CABIN1: variants seen among roughly 807,000 people sequenced by gnomAD.
The protein encoded by CABIN1 is calcineurin binding protein 1.
CABIN1 carries 133 observed loss-of-function variants against 227.7 expected under a neutral mutation model. The ratio of observed to expected loss-of-function variants is 0.58; its 90% CI spans 0.51 to 0.67. The LOEUF (loss-of-function observed/expected upper bound fraction) is 0.67, where lower values mean the gene tolerates loss of function less well. Among genes scored for constraint, CABIN1 ranks in the 30% least tolerant of loss-of-function variants. The pLI, the probability that CABIN1 is intolerant of heterozygous loss-of-function variation, is 0.00. For missense variants in CABIN1, 2,408 were observed against 2,852.5 expected (o/e 0.84, Z 3.55); for synonymous variants, 1,086 against 1,155.1 (o/e 0.94, Z 1.21).
chr22:24,051,905 A>G (rs2038366683), intron 8 of CABIN1, among the ~76,000 whole-genome samples: 1 of 152,116 alleles, frequency 6.6e-6, no homozygotes, highest in Non-Finnish European at 1.5e-5. Flanking sequence ...GAGTTTCAGC[A>G]TGTAGAATTT....
intron 26 of CABIN1, among the ~76,000 whole-genome samples, chr22:24,112,961 G>A (rs764174755): frequency 1.6e-4 from 25 of 152,032 alleles, no homozygotes; most frequent in African/African-American, 4.3e-4. Context: ...TCTTTGCCCC[G>A]CCCCTTTTCT....
At chr22:24,110,768 C>T (rs1266196273) in intron 26 of CABIN1, among the ~76,000 whole-genome samples, 1 of 151,738 alleles carries the variant, frequency 6.6e-6, no homozygotes, top group Non-Finnish European at 1.5e-5. Context: ...TGCTGTAATT[C>T]TTAACTTTGT....
intron 35 of CABIN1, among the ~76,000 whole-genome samples, chr22:24,176,731 C>T (rs2047134367): frequency 6.6e-6 from 1 of 152,192 alleles, no homozygotes; most frequent in Non-Finnish European, 1.5e-5. Flanking sequence ...CGTCGACAGC[C>T]ACGTCAGATT....
intron 31 of CABIN1, 55 bp downstream of exon 31, chr22:24,165,681 C>T: frequency 6.8e-7 from 1 of 1,467,004 alleles, no homozygotes; most frequent in Non-Finnish European, 9.4e-7. Context: ...CTTCCAAGCC[C>T]TTCCCAGGTG....
At chr22:24,046,782 T>A (rs1029800848) in intron 6 of CABIN1, among the ~76,000 whole-genome samples, 12 of 152,150 alleles carry the variant, frequency 7.9e-5, no homozygotes, top group African/African-American at 2.9e-4. Context: ...TGGTGTATAG[T>A]TCTAGTCCAA....
At chr22:24,092,568 T>G (rs1471610145) in intron 24 of CABIN1, among the ~76,000 whole-genome samples, 1 of 152,166 alleles carries the variant, frequency 6.6e-6, no homozygotes, top group Non-Finnish European at 1.5e-5. Flanking sequence ...GCTTTGCCCT[T>G]TCTGAGGCTA....
intron 29 of CABIN1, among the ~76,000 whole-genome samples, chr22:24,136,739 G>GCGCA (rs1555977754): frequency 0.01 from 1,444 of 139,716 alleles, 30 homozygotes; most frequent in African/African-American, 0.035. Flanking sequence ...ACACACACAC[G>GCGCA]CACACACACA....
chr22:24,078,996 A>G (rs1216540495), intron 19 of CABIN1, among the ~76,000 whole-genome samples: 1 of 152,202 alleles, frequency 6.6e-6, no homozygotes, highest in African/African-American at 2.4e-5. Context: ...TTATTTTAGT[A>G]TACTGAGATA....
At chr22:24,163,863 T>TG (rs2046297066) in intron 29 of CABIN1, among the ~76,000 whole-genome samples, 1 of 151,356 alleles carries the variant, frequency 6.6e-6, no homozygotes, top group South Asian at 2.1e-4. Flanking sequence ...CAAAGAGGAG[T>TG]GGGGTAGGAT....
At chr22:24,162,485 T>G (rs534518961) in intron 29 of CABIN1, among the ~76,000 whole-genome samples, 1 of 152,280 alleles carries the variant, frequency 6.6e-6, no homozygotes, top group South Asian at 2.1e-4. Context: ...GGCATGTGAA[T>G]GAAGATACAG....
At chr22:24,024,276 C>T (rs932397660) in intron 1 of CABIN1, among the ~76,000 whole-genome samples, 9 of 151,976 alleles carry the variant, frequency 5.9e-5, no homozygotes, top group Non-Finnish European at 1.0e-4. Context: ...ACATGTGCTA[C>T]CTTTGCATAA....
At chr22:24,031,430 A>G (rs873833) in intron 1 of CABIN1, among the ~76,000 whole-genome samples, 43,461 of 152,070 alleles carry the variant, frequency 0.29, 7,760 homozygotes, top group African/African-American at 0.5. Context: ...CAGGGAGTCA[A>G]GTATCTGAGA....
At chr22:24,108,667 G>A (rs2147686282) in intron 26 of CABIN1, among the ~76,000 whole-genome samples, 1 of 152,316 alleles carries the variant, frequency 6.6e-6, no homozygotes, top group African/African-American at 2.4e-5. Flanking sequence ...ATGCCTACAA[G>A]GTCACTGTCC....
chr22:24,075,208 A>G (rs1168524119), intron 18 of CABIN1, among the ~76,000 whole-genome samples: 1 of 152,108 alleles, frequency 6.6e-6, no homozygotes, highest in African/African-American at 2.4e-5. Flanking sequence ...CTTAAAAAAA[A>G]GAAGAAAAAG....
chr22:24,013,564 A>G (rs2035008251), intron 1 of CABIN1, among the ~76,000 whole-genome samples: 1 of 152,216 alleles, frequency 6.6e-6, no homozygotes, highest in South Asian at 2.1e-4. Flanking sequence ...ACGCTCTGTT[A>G]TGTCCTTCAC....
chr22:24,156,559 G>A (rs2045830720), intron 29 of CABIN1: 1 of 153,520 alleles, frequency 6.5e-6, no homozygotes. Flanking sequence ...GAGCTGTGCC[G>A]TGCCGCTCTT....
chr22:24,171,837 A>C lies in CABIN1; in HGVS notation c.5882A>C (p.Asp1961Ala), dbSNP rs147592073. The C allele has an allele frequency of 2.2e-4, 353 of 1,614,092 alleles. No homozygotes were observed. In the East Asian group the frequency reaches 5.5e-3, roughly 25 times the overall value. The change falls in exon 34 of 37, where the codon GAT (aspartate) becomes GCT (alanine). Residue 1961 changes from aspartate (D) to alanine (A), a missense_variant. By Grantham distance (126) the Asp-to-Ala change is moderately radical. Coordinates refer to ENST00000263119, the MANE Select transcript of CABIN1 (RefSeq NM_012295.4). ...VPADSVQRPS[D>A]AHTKPRPALA... ...GCTGACTCTGTCCAGCGGCCCAGTG[A>C]TGCTCACACCAAGCCTCGCCCTGCA...
chr22:24,108,565 T>A (rs1224951288), intron 26 of CABIN1, among the ~76,000 whole-genome samples: 1 of 152,248 alleles, frequency 6.6e-6, no homozygotes, highest in Non-Finnish European at 1.5e-5. Context: ...TCATTTCTCA[T>A]TGTTCTGTCA....
At chr22:24,155,077 C>T (rs569004441) in intron 29 of CABIN1, among the ~76,000 whole-genome samples, 3 of 152,238 alleles carry the variant, frequency 2.0e-5, no homozygotes, top group East Asian at 1.9e-4. Context: ...TCACCTAGCC[C>T]GTGCAGGTTG....
Sources: allele counts gnomAD v4.1 joint callset (sites outside exome capture counted in the v4.1 genomes callset), GRCh38; gene constraint gnomAD v4.1.1; transcripts MANE v1.5; gene names NCBI Gene and HGNC (gene_info 2026-07-23, HGNC 2026-07-21).